Variants in SYT8 observed in about 807,000 individuals in gnomAD.
The protein encoded by SYT8 is synaptotagmin 8, also known as synaptotagmin-8.
In SYT8, 50 loss-of-function variants were observed where a neutral mutation model predicts 34.9. That is an observed-to-expected ratio of 1.43 (90% CI 1.14 to 1.81). SYT8 has a LOEUF of 1.81. Among genes scored for constraint, SYT8 ranks in the 40% most tolerant of loss-of-function variants. The pLI is 0.00. For missense variants in SYT8, 595 were observed against 529.0 expected, an observed-to-expected ratio of 1.12 and a Z score of -1.22; for synonymous variants, 255 against 234.2, an observed-to-expected ratio of 1.09 and a Z score of -0.81.
chr11:1,834,978 C>T, upstream of SYT8: 2 of 968,270 alleles, frequency 2.1e-6, no homozygotes, highest in Admixed American at 2.1e-5. The surrounding 1 kb of genome is among the most constrained non-coding windows in gnomAD (Gnocchi z 4.5). Context: ...CGTGCTGCCT[C>T]CTTGCCCTGG....
chr11:1,836,357 G>A lies in SYT8; in HGVS notation c.517-68G>A, dbSNP rs972082053. 12 of 1,495,480 alleles carry A rather than the reference G, an allele frequency of 8.0e-6. No homozygotes were observed. The African/African-American group carries it at 1.5e-4, about 19-fold the overall frequency. The allele number at this position is 1,495,480 out of a possible 1,614,324, so 92.6% of individuals were successfully genotyped here. ...CTGGGCTGGGTGGGCCTGGGCAGCT[G>A]GGTGGGCCTGGGCAGCTGGGTGGGC... On this transcript the variant is annotated intron_variant, in intron 4 of 7. Coordinates refer to ENST00000341958, the MANE Select transcript of SYT8 (RefSeq NM_001394072.1).
chr11:1,837,472 T>A lies in SYT8; in HGVS notation c.*41T>A. 1 of 1,593,702 alleles carries A rather than the reference T, an allele frequency of 6.3e-7. No homozygotes were observed. Reference sequence around the variant, plus strand: ...CTGTCTCCCCGCTGAGCCCAGGCACTTGCCCAGGCCGCCCTGCAGGACCAC... The same window carrying A: ...CTGTCTCCCCGCTGAGCCCAGGCACATGCCCAGGCCGCCCTGCAGGACCAC... On this transcript the variant is annotated 3_prime_UTR_variant, in exon 8 of 8. Transcript: ENST00000341958.
At chr11:1,832,108 T>C (rs1457779527), upstream of SYT8, among the ~76,000 whole-genome samples, 1 of 152,090 alleles carries the variant, frequency 6.6e-6, no homozygotes, top group Non-Finnish European at 1.5e-5. Context: ...TTCTGCCTGG[T>C]GGGGGCTGGG....
chr11:1,834,674 G>C, upstream of SYT8: 1 of 1,478,278 alleles, frequency 6.8e-7, no homozygotes, highest in Non-Finnish European at 9.3e-7. This position sits in a 1 kb window ranked among gnomAD's most constrained non-coding sequence, Gnocchi z 4.5. Flanking sequence ...AGACCCCCAG[G>C]GATGAGATGG....
At chr11:1,835,521 C>T (rs757511385) in intron 2 of SYT8, 62 bp downstream of exon 2, 1 of 1,586,352 alleles carries the variant, frequency 6.3e-7, no homozygotes, top group East Asian at 2.2e-5. Context: ...CTCCAGAGCC[C>T]AGGGCAGCGA....
In SYT8 at chr11:1,837,415, C is replaced by T. The variant is rs759470421; in HGVS notation, c.1148C>T (p.Pro383Leu). The T allele has an allele frequency of 1.2e-6, 2 of 1,605,798 alleles. No individual in the cohort carries two copies. Among genetic ancestry groups the T allele is most frequent in the Non-Finnish European group, 1.7e-6 (2 of 1,179,528 alleles). Reference sequence around the variant, plus strand: ...CAGCCCCGCCTTCGCCTGCGCCTGCCCTTGCCCCACTCCTGAATGCACCAC... The same window carrying T: ...CAGCCCCGCCTTCGCCTGCGCCTGCTCTTGCCCCACTCCTGAATGCACCAC... ...ALQPRLRLRL[P>L]LPHS is the part of the protein sequence containing the mutation. Residue 383 changes from proline to leucine, a missense_variant, in exon 8 of 8, where the codon CCC (proline) becomes CTC (leucine). Pro to Leu is a moderately conservative substitution (Grantham distance 98). Coordinates refer to ENST00000341958, the MANE Select transcript of SYT8 (RefSeq NM_001394072.1).
upstream of SYT8, among the ~76,000 whole-genome samples, chr11:1,833,079 C>A (rs1339612928): frequency 6.6e-6 from 1 of 152,196 alleles, no homozygotes; most frequent in Non-Finnish European, 1.5e-5. Context: ...AGAGAAGTTG[C>A]CTTGAAACTC....
At position 1,835,164 on chromosome 11, in the gene SYT8, C is replaced by A; in HGVS notation, c.59C>A (p.Pro20His). The A allele has an allele frequency of 6.2e-7, 1 of 1,613,486 alleles. No homozygotes were observed. Among genetic ancestry groups the A allele is most frequent in the Admixed American group, 1.7e-5 (1 of 60,014 alleles). ...GCCCCAGCTGGCACCACAGCTATAC[C>A]TGGGCTTATTCCAGACCTTGTCGCC... ...APAPAGTTAI[P>H]GLIPDLVAGT... is the part of the protein sequence containing the mutation. The change falls in exon 1 of 8, where the codon CCT becomes CAT. Residue 20 changes from proline to histidine, a missense_variant. Coordinates refer to ENST00000341958, the MANE Select transcript of SYT8 (RefSeq NM_001394072.1).
rs144635410 is a variant in SYT8 at position 1,836,285 on chromosome 11, G to A, written c.516+1G>A. On this transcript the variant is annotated splice_donor_variant, in intron 4 of 7. Coordinates refer to ENST00000341958, the MANE Select transcript of SYT8 (RefSeq NM_001394072.1). LOFTEE classifies it high-confidence loss of function. ...GTTTGACGAGACCTGCTGCTTCCAC[G>A]TGAGTCAGGGATGGTCGGCTGGGTG... is the stretch of plus-strand genomic sequence containing the variant. The A allele has an allele frequency of 2.7e-3, 4,220 of 1,547,528 alleles. 8 individuals carry two copies. The highest frequency in any genetic ancestry group is 3.2e-3 in the Non-Finnish European group (3,725 of 1,148,684).
At chr11:1,832,014 C>G, upstream of SYT8, 1 of 348,926 alleles carries the variant, frequency 2.9e-6, no homozygotes, top group South Asian at 2.1e-5. Context: ...TCCGTATAGA[C>G]TCACCCTGGA....
rs1257520181 is a variant in SYT8, at chr11:1,835,954, C to T, written c.327C>T (p.Leu109=). 4 of 1,607,674 alleles carry T rather than the reference C, an allele frequency of 2.5e-6. No individual in the cohort carries two copies. Among genetic ancestry groups the T allele is most frequent in the South Asian group, 1.1e-5 (1 of 90,278 alleles). The part of the protein sequence containing the change: ...GDAQQWGCLQ[L]SLEFDFGSQE... ...CTCAGCAATGGGGGTGCCTGCAGCTCTCCCTGGAGTTCGACTTTGGAAGCC... is the reference window on the plus strand; with the variant it reads ...CTCAGCAATGGGGGTGCCTGCAGCTTTCCCTGGAGTTCGACTTTGGAAGCC... The change falls in exon 3 of 8, where the codon CTC becomes CTT. Residue 109 remains leucine (L), a synonymous_variant. Transcript: ENST00000341958.
rs201070802 is a variant in SYT8, at chr11:1,835,990, G to A, written c.357+6G>A. On this transcript the variant is annotated splice_donor_region_variant and intron_variant, in intron 3 of 7. Coordinates refer to ENST00000341958, the MANE Select transcript of SYT8 (RefSeq NM_001394072.1). ...TCGACTTTGGAAGCCAGGAGGTGAA[G>A]GGCCCCGCTGCGCAGGACCAGCGGT... 21 of 1,605,968 alleles carry A rather than the reference G, an allele frequency of 1.3e-5. No individual in the cohort carries two copies. The Admixed American group carries it at 3.5e-4, about 27-fold the overall frequency.
upstream of SYT8, chr11:1,834,631 T>G (rs757019858): frequency 1.9e-6 from 3 of 1,576,176 alleles, no homozygotes; most frequent in South Asian, 3.5e-5. The surrounding 1 kb of genome is among the most constrained non-coding windows in gnomAD (Gnocchi z 4.5). Context: ...CGTGCTGGGG[T>G]AGAGGCAAGG....
chr11:1,835,989 A>G lies in SYT8; in HGVS notation c.357+5A>G. The stretch of plus-strand genomic sequence containing the variant: ...TTCGACTTTGGAAGCCAGGAGGTGA[A>G]GGGCCCCGCTGCGCAGGACCAGCGG... On this transcript the variant is annotated splice_donor_5th_base_variant and intron_variant, in intron 3 of 7. Transcript: ENST00000341958. 6.2e-7 allele frequency: 1 copy of G among 1,606,754 alleles called. No homozygotes were observed. Among genetic ancestry groups the G allele is most frequent in the Non-Finnish European group, 8.5e-7 (1 of 1,177,624 alleles).
At chr11:1,835,778 TGGAG>T in intron 2 of SYT8, 104 bp from the exon 3 acceptor site, 1 of 996,290 alleles carries the variant, frequency 1.0e-6, no homozygotes, top group Non-Finnish European at 1.5e-6. Flanking sequence ...TGGCCTGGCC[TGGAG>T]GCGGGGGGTC....
rs1387247462 is a variant in SYT8, at chr11:1,836,763, A to G, written c.692A>G (p.Gln231Arg). Residue 231 changes from glutamine (Q) to arginine (R), a missense_variant, in exon 6 of 8, where the codon CAG (glutamine) becomes CGG (arginine). Transcript: ENST00000341958. Reference sequence around the variant, plus strand: ...CCCTCTTGCTGCCCACAGCCCGAGCAGGTCGGGGAGCTGTGCTTCTCTCTC... The same window carrying G: ...CCCTCTTGCTGCCCACAGCCCGAGCGGGTCGGGGAGCTGTGCTTCTCTCTC... Reference protein sequence around the residue: ...LGPPAATQPEQVGELCFSLRY... With the variant: ...LGPPAATQPERVGELCFSLRY... 1 of 1,609,302 alleles carries G rather than the reference A, an allele frequency of 6.2e-7. No homozygotes were observed. The highest frequency in any genetic ancestry group is 1.1e-5 in the South Asian group (1 of 91,066).
Position 1,837,092 on chromosome 11 carries a change from T to C in SYT8, c.924+2T>C. ...CTGGTGCCCTTCAGCCAGGTCCAGG[T>C]GGGCCACCGGGAGGCAGGGGCAGAG... is the stretch of plus-strand genomic sequence containing the variant. On this transcript the variant is annotated splice_donor_variant, in intron 7 of 7. Transcript: ENST00000341958. LOFTEE classifies it high-confidence loss of function. 6.2e-7 allele frequency: 1 copy of C among 1,613,320 alleles called. No individual in the cohort carries two copies. The highest frequency in any genetic ancestry group is 8.5e-7 in the Non-Finnish European group (1 of 1,179,774).
rs758841681 is a variant in SYT8 at position 1,837,475 on chromosome 11, C to G, written c.*44C>G. On this transcript the variant is annotated 3_prime_UTR_variant, in exon 8 of 8. Transcript: ENST00000341958. The stretch of plus-strand genomic sequence containing the variant: ...TCTCCCCGCTGAGCCCAGGCACTTG[C>G]CCAGGCCGCCCTGCAGGACCACTGC... 2.5e-6 allele frequency: 4 copies of G among 1,591,096 alleles called. No individual in the cohort carries two copies. The highest frequency in any genetic ancestry group is 3.4e-6 in the Non-Finnish European group (4 of 1,173,338).
In SYT8 at chr11:1,836,482, C is replaced by T. The variant is rs113202245; in HGVS notation, c.574C>T (p.Arg192Cys). Reference sequence around the variant, plus strand: ...GCAGGTGCAGCTTTTCAACTTCAAGCGCTTCTCGGGGCATGAGCCCCTGGG... The same window carrying T: ...GCAGGTGCAGCTTTTCAACTTCAAGTGCTTCTCGGGGCATGAGCCCCTGGG... ...TLQVQLFNFKRFSGHEPLGEL... is the reference protein window; with the variant it reads ...TLQVQLFNFKCFSGHEPLGEL... Residue 192 changes from arginine (R) to cysteine (C), a missense_variant, in exon 5 of 8, where the codon CGC becomes TGC. Coordinates refer to ENST00000341958, the MANE Select transcript of SYT8 (RefSeq NM_001394072.1). The T allele has an allele frequency of 1.6e-5, 26 of 1,610,902 alleles. No individual in the cohort carries two copies. The highest frequency in any genetic ancestry group is 2.2e-5 in the South Asian group (2 of 90,784).
Sources: allele counts gnomAD v4.1 joint callset (sites outside exome capture counted in the v4.1 genomes callset), GRCh38; gene constraint gnomAD v4.1.1; non-coding constraint Gnocchi (gnomAD v3.1); transcripts MANE v1.5; gene names NCBI Gene and HGNC (gene_info 2026-07-23, HGNC 2026-07-21).